The following UTP25 variants were observed in gnomAD, a reference collection of about 807,000 sequenced individuals.
UTP25 encodes UTP25 small subunit processome component.
A neutral mutation model predicts 78.9 loss-of-function variants in UTP25; 50 were observed. The observed-to-expected ratio is 0.63, with a 90% confidence interval of 0.50 to 0.80. The LOEUF (loss-of-function observed/expected upper bound fraction) is 0.80. Ranked by LOEUF, UTP25 falls within the 30% of genes least tolerant of loss-of-function variation. The pLI, the probability that UTP25 is intolerant of heterozygous loss-of-function variation, is 0.00. For synonymous variants in UTP25, 329 were observed against 336.5 expected (o/e 0.98, Z 0.24); for missense variants, 846 against 911.3 (o/e 0.93, Z 0.92).
rs542151506 is a variant in UTP25 at position 209,833,429 on chromosome 1, G to A, written c.562+71G>A. On this transcript the variant is annotated intron_variant, in intron 4 of 11. Transcript: ENST00000491415. ...TGGAATTTGTGTACTAATACACATT[G>A]AATCTATTATTGGAACAAACAGCAA... 1.3e-4 allele frequency: 169 copies of A among 1,297,094 alleles called. 1 individual carries two copies. Among genetic ancestry groups the A allele is most frequent in the Middle Eastern group, 5.9e-4 (3 of 5,084 alleles). The allele number at this position is 1,297,094 out of a possible 1,614,324, so 80.3% of individuals were successfully genotyped here.
At chr1:209,838,863 G>A (rs41275344) in intron 6 of UTP25, 46 bp from the exon 7 acceptor site, 114 of 1,598,560 alleles carry the variant, frequency 7.1e-5, no homozygotes, top group Non-Finnish European at 9.6e-5. Context: ...TCAAGATCCT[G>A]TTCCTTCCTC....
At chr1:209,828,208 G>A (rs774314318) in intron 1 of UTP25, 38 bp downstream of exon 1, 1 of 1,521,984 alleles carries the variant, frequency 6.6e-7, no homozygotes, top group African/African-American at 1.4e-5. Flanking sequence ...AGTCGCCAGA[G>A]ATGTATCCTC....
intron 11 of UTP25, among the ~76,000 whole-genome samples, chr1:209,849,457 T>A (rs1182546916): frequency 6.6e-6 from 1 of 152,192 alleles, no homozygotes; most frequent in African/African-American, 2.4e-5. Context: ...AGACAACTTT[T>A]GCTTCTACTC....
At chr1:209,831,514 G>T (rs1246932302) in intron 3 of UTP25, among the ~76,000 whole-genome samples, 1 of 152,190 alleles carries the variant, frequency 6.6e-6, no homozygotes, top group Non-Finnish European at 1.5e-5. Flanking sequence ...ATTAGGGAAG[G>T]CTTCAGGGAC....
intron 7 of UTP25, among the ~76,000 whole-genome samples, chr1:209,840,387 C>G (rs2078159698): frequency 6.6e-6 from 1 of 152,196 alleles, no homozygotes; most frequent in Non-Finnish European, 1.5e-5. Context: ...GAGTTGAAGT[C>G]ATGGAAACTA....
intron 3 of UTP25, among the ~76,000 whole-genome samples, chr1:209,832,016 T>C (rs2078106477): frequency 6.6e-6 from 1 of 152,084 alleles, no homozygotes; most frequent in East Asian, 1.9e-4. Context: ...CCTTCTGGTA[T>C]TATATATCAT....
chr1:209,834,816 A>G (rs1237960915), intron 4 of UTP25, among the ~76,000 whole-genome samples: 4 of 152,246 alleles, frequency 2.6e-5, no homozygotes, highest in African/African-American at 9.6e-5. Context: ...TTGGAGGTAT[A>G]TCCTAAAGTG....
rs1466967750 is a variant in UTP25 at position 209,855,281 on chromosome 1, G to A, written c.*3834G>A. ...ACATGTTCCTGTCTACTTTTGCTTT[G>A]TTCCTGTTTCCCTTCTGTGAGGACC... is the stretch of plus-strand genomic sequence containing the variant. On this transcript the variant is annotated 3_prime_UTR_variant, in exon 12 of 12. Transcript: ENST00000491415. 2 of 152,208 alleles carry A rather than the reference G, an allele frequency of 1.3e-5. No homozygotes were observed. Among genetic ancestry groups the A allele is most frequent in the African/African-American group, 2.4e-5 (1 of 41,424 alleles). The allele number at this position is 152,208 out of a possible 1,614,324, so 9.4% of individuals were successfully genotyped here.
chr1:209,837,319 T>TA (rs1294567351), intron 6 of UTP25, 108 bp downstream of exon 6: 1 of 1,299,846 alleles, frequency 7.7e-7, no homozygotes, highest in Non-Finnish European at 1.0e-6. Context: ...TTGACTGGCA[T>TA]AATGAATGAG....
chr1:209,838,795 G>A, intron 6 of UTP25, 114 bp from the exon 7 acceptor site: 1 of 1,160,470 alleles, frequency 8.6e-7, no homozygotes, highest in South Asian at 1.2e-5. Flanking sequence ...ATGTTTCTTG[G>A]CTGGGGGCCA....
At chr1:209,841,106 T>G in intron 8 of UTP25, 51 bp downstream of exon 8, 1 of 1,591,368 alleles carries the variant, frequency 6.3e-7, no homozygotes. Context: ...TTTAGAGGGA[T>G]AAGACACCCA....
rs763411616 is a variant in UTP25, at chr1:209,830,922, TGAG to T, written c.276_278del (p.Glu96del). On this transcript the variant is annotated inframe_deletion, in exon 3 of 12. Transcript: ENST00000491415. ...ATGTTTCTGAGGAAGAAGAGGAAGATGAGGAGGAGGAAGAGGAAGAAGACAGTA... is the reference window on the plus strand; with the variant it reads ...ATGTTTCTGAGGAAGAAGAGGAAGATGAGGAGGAAGAGGAAGAAGACAGTA... 3.4e-5 allele frequency: 55 copies of T among 1,613,642 alleles called. No homozygotes were observed. Among genetic ancestry groups the T allele is most frequent in the East Asian group, 6.7e-5 (3 of 44,862 alleles).
In UTP25 at chr1:209,833,272, A is replaced by T. The variant is rs546003266; in HGVS notation, c.476A>T (p.Asp159Val). The T allele has an allele frequency of 5.0e-6, 8 of 1,607,722 alleles. No homozygotes were observed. The highest frequency in any genetic ancestry group is 1.3e-5 in the African/African-American group (1 of 74,602). The part of the protein sequence containing the change: ...TSQTSPEEFT[D>V]AKHESLFSLE... Reference sequence around the variant, plus strand: ...CAAACATCCCCCGAAGAGTTCACAGATGCAAAACACGAGTCACTGTTCAGC... The same window carrying T: ...CAAACATCCCCCGAAGAGTTCACAGTTGCAAAACACGAGTCACTGTTCAGC... The change falls in exon 4 of 12, where the codon GAT becomes GTT. Residue 159 changes from aspartate (D) to valine (V), a missense_variant. By Grantham distance (152) the Asp-to-Val change is radical (BLOSUM62 -3). Coordinates refer to ENST00000491415, the MANE Select transcript of UTP25 (RefSeq NM_014388.7).
Position 209,836,803 on chromosome 1 carries a change from G to A in UTP25, c.654G>A (p.Trp218Ter), listed in dbSNP as rs2102572007. Residue 218 changes from tryptophan to a stop codon, truncating the protein, a stop_gained and splice_region_variant, in exon 6 of 12, where the codon TGG (tryptophan) becomes TGA (stop). Coordinates refer to ENST00000491415, the MANE Select transcript of UTP25 (RefSeq NM_014388.7). LOFTEE classifies it high-confidence loss of function. ...TNPKTTHELK[W>*]PILGQLFFSS... ...CTCTTGATCTGTTTCTCCCCTAGTG[G>A]CCTATTCTGGGCCAGCTTTTCTTTT... is the stretch of plus-strand genomic sequence containing the variant. The A allele has an allele frequency of 6.3e-7, 1 of 1,598,970 alleles. No individual in the cohort carries two copies. The highest frequency in any genetic ancestry group is 8.5e-7 in the Non-Finnish European group (1 of 1,173,746).
Position 209,854,647 on chromosome 1 carries a change from A to C in UTP25, c.*3200A>C, listed in dbSNP as rs1192239451. On this transcript the variant is annotated 3_prime_UTR_variant, in exon 12 of 12. Transcript: ENST00000491415. ...GGGGCCAGACCCTATTGGCCATCTG[A>C]CCAGCCTTCCCAAGCCCACGTGAGC... 1 of 152,280 alleles carries C rather than the reference A, an allele frequency of 6.6e-6. No homozygotes were observed. Among genetic ancestry groups the C allele is most frequent in the Non-Finnish European group, 1.5e-5 (1 of 68,094 alleles). 9.4% of individuals were successfully genotyped at this position (152,280 alleles called of 1,614,324 possible).
At position 209,833,172 on chromosome 1, in the gene UTP25, C is replaced by T; in HGVS notation, c.389-13C>T. ...GAGTAAATAATTTTATAAAATGTTTCTCAAAACTGCAGATGTAGCTTTATC... is the reference window on the plus strand; with the variant it reads ...GAGTAAATAATTTTATAAAATGTTTTTCAAAACTGCAGATGTAGCTTTATC... On this transcript the variant is annotated splice_polypyrimidine_tract_variant and intron_variant, in intron 3 of 11. Coordinates refer to ENST00000491415, the MANE Select transcript of UTP25 (RefSeq NM_014388.7). The T allele has an allele frequency of 6.2e-7, 1 of 1,600,496 alleles. No homozygotes were observed. Among genetic ancestry groups the T allele is most frequent in the African/African-American group, 1.4e-5 (1 of 73,890 alleles).
chr1:209,837,473 G>A (rs1416352411), intron 6 of UTP25, among the ~76,000 whole-genome samples: 1 of 152,150 alleles, frequency 6.6e-6, no homozygotes, highest in African/African-American at 2.4e-5. Context: ...TAAACCCAGA[G>A]TATATAAATA....
chr1:209,846,935 G>A (rs1038556930), intron 11 of UTP25, among the ~76,000 whole-genome samples: 1 of 152,050 alleles, frequency 6.6e-6, no homozygotes, highest in African/African-American at 2.4e-5. Flanking sequence ...GAAATTTTAG[G>A]TTAAAAATCT....
At position 209,833,227 on chromosome 1, in the gene UTP25, A is replaced by G. The variant is rs2078113023; in HGVS notation, c.431A>G (p.Glu144Gly). The G allele has an allele frequency of 2.5e-6, 4 of 1,613,948 alleles. No homozygotes were observed. Among genetic ancestry groups the G allele is most frequent in the Non-Finnish European group, 3.4e-6 (4 of 1,179,976 alleles). ...GACCCTGAGGGAAAAGAAGATGGGG[A>G]AGAGCCACCGGGCACATCACAAACA... ...SADPEGKEDG[E>G]EPPGTSQTSP... Residue 144 changes from glutamate (E) to glycine (G), a missense_variant, in exon 4 of 12, where the codon GAA becomes GGA. Physicochemically the swap from Glu to Gly is moderately conservative, Grantham distance 98. Coordinates refer to ENST00000491415, the MANE Select transcript of UTP25 (RefSeq NM_014388.7).
Sources: gnomAD v4.1 joint callset for allele counts (sites outside exome capture counted in the v4.1 genomes callset) on GRCh38, gnomAD v4.1.1 for gene constraint, MANE v1.5 for transcripts, NCBI Gene and HGNC (gene_info 2026-07-23, HGNC 2026-07-21) for gene names.